COLGALT2: variants seen among roughly 807,000 people sequenced by gnomAD.
COLGALT2 encodes the protein procollagen galactosyltransferase 2.
Under a neutral mutation model 73.4 loss-of-function variants are expected in COLGALT2, and 49 were observed. That is an observed-to-expected ratio of 0.67 (90% confidence interval 0.53 to 0.85). The LOEUF (loss-of-function observed/expected upper bound fraction) is 0.85, where lower values mean the gene tolerates loss of function less well. COLGALT2 is among the 40% of genes least tolerant of loss of function. The pLI, the probability that COLGALT2 is intolerant of heterozygous loss-of-function variation, is 0.00. For missense variants in COLGALT2, 722 were observed against 790.2 expected, an observed-to-expected ratio of 0.91 and a Z score of 1.03; for synonymous variants, 295 against 307.6, an observed-to-expected ratio of 0.96 and a Z score of 0.43.
intron 1 of COLGALT2, among the ~76,000 whole-genome samples, chr1:184,016,258 C>A (rs967293361): frequency 6.6e-6 from 1 of 152,182 alleles, no homozygotes; most frequent in Non-Finnish European, 1.5e-5. Context: ...TGGAGTGGGA[C>A]TTCTCATGCT....
chr1:184,009,182 A>G (rs2102845581), intron 1 of COLGALT2, among the ~76,000 whole-genome samples: 1 of 152,302 alleles, frequency 6.6e-6, no homozygotes, highest in Admixed American at 6.5e-5. Context: ...ATTAATCTCC[A>G]CATCCTGAGA....
In COLGALT2 at chr1:184,033,130, C is replaced by T. The variant is rs190605786; in HGVS notation, c.263+3965G>A. On this transcript the variant is annotated intron_variant, in intron 1 of 11. Transcript: ENST00000361927. Reference sequence around the variant, plus strand: ...ACTCTGTGAATCCCAACTGTCTTCCCACAAGCAACAGCAGGCTCTCCAAAA... The same window carrying T: ...ACTCTGTGAATCCCAACTGTCTTCCTACAAGCAACAGCAGGCTCTCCAAAA... 2.0e-5 allele frequency among the ~76,000 whole-genome samples: 3 copies of T among 152,362 alleles called. No homozygotes were observed. In the East Asian group the frequency reaches 5.8e-4, roughly 29 times the overall value.
chr1:184,010,972 G>C (rs1672218957), intron 1 of COLGALT2, among the ~76,000 whole-genome samples: 3 of 152,192 alleles, frequency 2.0e-5, no homozygotes, highest in African/African-American at 4.8e-5. Context: ...GGCCAGTGGG[G>C]AGGAAGGCCT....
At chr1:183,996,972 A>G (rs1671786542) in intron 1 of COLGALT2, among the ~76,000 whole-genome samples, 1 of 152,230 alleles carries the variant, frequency 6.6e-6, no homozygotes, top group Non-Finnish European at 1.5e-5. Flanking sequence ...AAGGGGGTCA[A>G]TACACATGAG....
chr1:184,017,413 C>T (rs995570460), intron 1 of COLGALT2, among the ~76,000 whole-genome samples: 8 of 152,266 alleles, frequency 5.3e-5, no homozygotes, highest in African/African-American at 1.9e-4. Flanking sequence ...TCCTCCGGCC[C>T]TCAATTACTT....
chr1:183,943,669 A>G (rs1355554505), intron 10 of COLGALT2, among the ~76,000 whole-genome samples: 1 of 152,070 alleles, frequency 6.6e-6, no homozygotes, highest in Non-Finnish European at 1.5e-5. Flanking sequence ...CCCTTCCCCA[A>G]ATCTAGTTGT....
chr1:183,967,779 G>A (rs1406682994), intron 5 of COLGALT2, among the ~76,000 whole-genome samples: 1 of 152,156 alleles, frequency 6.6e-6, no homozygotes, highest in African/African-American at 2.4e-5. Flanking sequence ...TTCCCATCCT[G>A]GGGAAGTCAG....
At chr1:184,018,862 G>A (rs1166976588) in intron 1 of COLGALT2, among the ~76,000 whole-genome samples, 1 of 152,130 alleles carries the variant, frequency 6.6e-6, no homozygotes, top group African/African-American at 2.4e-5. Flanking sequence ...GTAGCAAGCA[G>A]TAAAAATGCC....
intron 1 of COLGALT2, among the ~76,000 whole-genome samples, chr1:184,013,784 G>A (rs1648895231): frequency 6.6e-6 from 1 of 152,096 alleles, no homozygotes; most frequent in Non-Finnish European, 1.5e-5. Context: ...AATCCATTAG[G>A]AAATGGGAGA....
intron 6 of COLGALT2, among the ~76,000 whole-genome samples, chr1:183,956,311 AGAGCT>A (rs1269948270): frequency 6.6e-6 from 1 of 152,234 alleles, no homozygotes; most frequent in African/African-American, 2.4e-5. Flanking sequence ...GCCAAACACA[AGAGCT>A]GGTCTCATTA....
At chr1:184,027,244 A>G (rs903970037) in intron 1 of COLGALT2, among the ~76,000 whole-genome samples, 3 of 152,200 alleles carry the variant, frequency 2.0e-5, no homozygotes, top group African/African-American at 7.2e-5. Flanking sequence ...AGAATATTCC[A>G]GAGTATGCCA....
rs913514226 is a variant in COLGALT2, at chr1:183,936,399, G to A, written c.*2362C>T. On this transcript the variant is annotated 3_prime_UTR_variant, in exon 12 of 12. Coordinates refer to ENST00000361927, the MANE Select transcript of COLGALT2 (RefSeq NM_015101.4). Reference sequence around the variant, plus strand: ...AGACCTGAGCAGGGAGAAACAAACCGGGCTAAAGGAGACAGAACTTTCTTC... The same window carrying A: ...AGACCTGAGCAGGGAGAAACAAACCAGGCTAAAGGAGACAGAACTTTCTTC... 1.5e-4 allele frequency: 152 copies of A among 985,812 alleles called. No individual in the cohort carries two copies. The highest frequency in any genetic ancestry group is 5.2e-4 in the Middle Eastern group (1 of 1,940). The allele number at this position is 985,812 out of a possible 1,614,324, so 61.1% of individuals were successfully genotyped here. A position where few individuals can be genotyped will look rare whatever the true frequency, so the allele number is the denominator to read the frequency against.
intron 1 of COLGALT2, among the ~76,000 whole-genome samples, chr1:183,998,395 T>C (rs987832152): frequency 3.3e-5 from 5 of 152,254 alleles, no homozygotes; most frequent in Non-Finnish European, 5.9e-5. Context: ...GTTGATTCTC[T>C]ACATTATTTC....
chr1:183,997,562 G>T (rs1181784263), intron 1 of COLGALT2, among the ~76,000 whole-genome samples: 1 of 152,196 alleles, frequency 6.6e-6, no homozygotes, highest in African/African-American at 2.4e-5. Context: ...AACGATAGCT[G>T]ATGAGCTATA....
At chr1:184,025,268 G>A (rs74132768) in intron 1 of COLGALT2, among the ~76,000 whole-genome samples, 5,074 of 152,290 alleles carry the variant, frequency 0.033, 268 homozygotes, top group African/African-American at 0.11. Flanking sequence ...TTTGATGCCC[G>A]TCAAAGCTTT....
chr1:183,945,438 C>G lies in COLGALT2; in HGVS notation c.1263G>C (p.Trp421Cys). 6.2e-7 allele frequency: 1 copy of G among 1,614,040 alleles called. No individual in the cohort carries two copies. Among genetic ancestry groups the G allele is most frequent in the Non-Finnish European group, 8.5e-7 (1 of 1,179,982 alleles). Reference protein sequence around the residue: ...IGCFLSHYSVWKEVIDRELEK... With the variant: ...IGCFLSHYSVCKEVIDRELEK... ...TGAATAAAGCATTATTTACCTCTTTCCAGACTGAGTAGTGGCTGAGAAAGC... is the reference window on the plus strand; with the variant it reads ...TGAATAAAGCATTATTTACCTCTTTGCAGACTGAGTAGTGGCTGAGAAAGC... The change falls in exon 9 of 12, where the codon TGG becomes TGC. Residue 421 changes from tryptophan to cysteine, a missense_variant. Coordinates refer to ENST00000361927, the MANE Select transcript of COLGALT2 (RefSeq NM_015101.4).
chr1:184,013,173 G>C (rs35418511), intron 1 of COLGALT2, among the ~76,000 whole-genome samples: 11,648 of 152,194 alleles, frequency 0.077, 570 homozygotes, highest in Admixed American at 0.15. Context: ...AAATTAGCTG[G>C]GTGTGGTGGT....
At chr1:184,020,360 AATACT>A (rs1184038248) in intron 1 of COLGALT2, among the ~76,000 whole-genome samples, 1 of 152,198 alleles carries the variant, frequency 6.6e-6, no homozygotes, top group African/African-American at 2.4e-5. Flanking sequence ...AAAATGAAAA[AATACT>A]ATATACTGTT....
At chr1:183,991,930 T>C (rs1177035287) in intron 1 of COLGALT2, among the ~76,000 whole-genome samples, 1 of 152,134 alleles carries the variant, frequency 6.6e-6, no homozygotes, top group Non-Finnish European at 1.5e-5. Flanking sequence ...GCTCCTAACA[T>C]TCCCAGGGTC....
Sources: allele counts gnomAD v4.1 joint callset (sites outside exome capture counted in the v4.1 genomes callset), GRCh38; gene constraint gnomAD v4.1.1; transcripts MANE v1.5; gene names NCBI Gene and HGNC (gene_info 2026-07-23, HGNC 2026-07-21).